PPFIA2: variants seen among roughly 807,000 people sequenced by gnomAD.
PPFIA2 encodes liprin-alpha-2.
Under a neutral mutation model 175.5 loss-of-function variants are expected in PPFIA2, and 46 were observed. The ratio of observed to expected loss-of-function variants is 0.26; its 90% CI spans 0.21 to 0.34. The LOEUF (loss-of-function observed/expected upper bound fraction) is 0.34, where lower values mean the gene tolerates loss of function less well. PPFIA2 is among the 10% of genes least tolerant of loss of function. PPFIA2 has a pLI of 1.00. For synonymous variants in PPFIA2, 568 were observed against 511.4 expected (o/e 1.11, Z -1.49); for missense variants, 1,179 against 1,506.1 (o/e 0.78, Z 3.60).
intron 4 of PPFIA2, among the ~76,000 whole-genome samples, chr12:81,556,351 G>A (rs1461171339): frequency 6.6e-6 from 1 of 151,776 alleles, no homozygotes; most frequent in Non-Finnish European, 1.5e-5. Flanking sequence ...TAATGCAAAT[G>A]GGTTTATTGG....
chr12:81,756,998 T>C (rs907338146), intron 2 of PPFIA2, among the ~76,000 whole-genome samples: 4 of 151,984 alleles, frequency 2.6e-5, no homozygotes, highest in Admixed American at 2.0e-4. Context: ...TAGAAAAAAA[T>C]AGTCTACAAA....
intron 4 of PPFIA2, among the ~76,000 whole-genome samples, chr12:81,595,707 A>G (rs1238058623): frequency 6.6e-6 from 1 of 152,222 alleles, no homozygotes; most frequent in African/African-American, 2.4e-5. Flanking sequence ...ATATCCTTCA[A>G]CTTCTTATTT....
At chr12:81,535,663 A>G (rs998052633) in intron 4 of PPFIA2, among the ~76,000 whole-genome samples, 2 of 151,506 alleles carry the variant, frequency 1.3e-5, no homozygotes, top group Non-Finnish European at 3.0e-5. Flanking sequence ...ACACAAAACT[A>G]GTGAGAGTGT....
intron 7 of PPFIA2, among the ~76,000 whole-genome samples, chr12:81,435,265 T>C (rs901832291): frequency 6.6e-6 from 1 of 152,218 alleles, no homozygotes; most frequent in Non-Finnish European, 1.5e-5. Flanking sequence ...AACCCTGAGC[T>C]ATATTTCAGC....
chr12:81,758,293 C>T, intron 2 of PPFIA2, 107 bp downstream of exon 2: 1 of 435,822 alleles, frequency 2.3e-6, no homozygotes, highest in South Asian at 1.6e-5. Flanking sequence ...CGGTAATCAA[C>T]AAGGAGGAAT....
At chr12:81,620,179 A>AT (rs2061893299) in intron 4 of PPFIA2, among the ~76,000 whole-genome samples, 1 of 150,888 alleles carries the variant, frequency 6.6e-6, no homozygotes, top group Non-Finnish European at 1.5e-5. Flanking sequence ...AAAAAAAAAA[A>AT]AAAGAAGAAA....
chr12:81,677,853 G>C (rs1427012139), intron 3 of PPFIA2, among the ~76,000 whole-genome samples: 1 of 151,862 alleles, frequency 6.6e-6, no homozygotes, highest in East Asian at 1.9e-4. Context: ...CCTGTTTATA[G>C]GGACAACTAC....
intron 4 of PPFIA2, among the ~76,000 whole-genome samples, chr12:81,654,021 T>G (rs1384518973): frequency 6.6e-6 from 1 of 152,006 alleles, no homozygotes; most frequent in Non-Finnish European, 1.5e-5. Context: ...ATGGGAACAT[T>G]TCTTAATTTA....
intron 28 of PPFIA2, among the ~76,000 whole-genome samples, chr12:81,269,578 C>T (rs551399740): frequency 2.8e-4 from 43 of 152,310 alleles, no homozygotes; most frequent in Non-Finnish European, 5.0e-4. Context: ...TGAAGCAATA[C>T]AGTGATAGCA....
chr12:81,364,919 G>C (rs945808524), intron 14 of PPFIA2, among the ~76,000 whole-genome samples: 1 of 151,780 alleles, frequency 6.6e-6, no homozygotes, highest in African/African-American at 2.4e-5. Flanking sequence ...TGGTGTGTTA[G>C]GTTAGATGGT....
At chr12:81,538,587 AAG>A (rs1313404672) in intron 4 of PPFIA2, among the ~76,000 whole-genome samples, 1 of 151,934 alleles carries the variant, frequency 6.6e-6, no homozygotes, top group Non-Finnish European at 1.5e-5. Context: ...TATCATAGAG[AAG>A]ATGCTATTTC....
At chr12:81,399,750 G>A (rs926495621) in intron 8 of PPFIA2, among the ~76,000 whole-genome samples, 7 of 152,002 alleles carry the variant, frequency 4.6e-5, no homozygotes, top group African/African-American at 1.7e-4. Context: ...TTCACTGCTT[G>A]ACAATTCAAT....
rs541808944 is a variant in PPFIA2 at position 81,513,898 on chromosome 12, C to T, written c.304-56032G>A. 3.3e-5 allele frequency among the ~76,000 whole-genome samples: 5 copies of T among 152,008 alleles called. No individual in the cohort carries two copies. The East Asian group carries it at 9.7e-4, about 29-fold the overall frequency. ...ATTTAAATGGCAATAAATTAGCAGC[C>T]TGATTTATAAATGATTTTCCTCTCA... On this transcript the variant is annotated intron_variant, in intron 4 of 32. Transcript: ENST00000549396.
chr12:81,560,176 G>A (rs1166750160), intron 4 of PPFIA2, among the ~76,000 whole-genome samples: 1 of 151,944 alleles, frequency 6.6e-6, no homozygotes, highest in African/African-American at 2.4e-5. Flanking sequence ...GTGTGGTAAA[G>A]GTGTTTAAAA....
intron 4 of PPFIA2, among the ~76,000 whole-genome samples, chr12:81,602,625 T>A (rs988107735): frequency 4.0e-5 from 6 of 151,894 alleles, no homozygotes; most frequent in Non-Finnish European, 1.5e-5. Context: ...GGATTTCTTA[T>A]GTAGCTATTA....
At chr12:81,570,562 T>C (rs1179890739) in intron 4 of PPFIA2, among the ~76,000 whole-genome samples, 1 of 152,092 alleles carries the variant, frequency 6.6e-6, no homozygotes, top group Non-Finnish European at 1.5e-5. Context: ...GCAATCTTGG[T>C]TTTAAAATCT....
At chr12:81,693,739 G>A (rs564031182) in intron 3 of PPFIA2, among the ~76,000 whole-genome samples, 32 of 152,202 alleles carry the variant, frequency 2.1e-4, no homozygotes, top group Admixed American at 1.3e-4. Flanking sequence ...GGAAAGTTTG[G>A]AACTTCTTAG....
rs958661184 is a variant in PPFIA2, at chr12:81,340,938, A to G, written c.2393+140T>C. 6.5e-6 allele frequency: 6 copies of G among 919,894 alleles called. No homozygotes were observed. In the African/African-American group the frequency reaches 1.0e-4, roughly 16 times the overall value. 57.0% of individuals were successfully genotyped at this position (919,894 alleles called of 1,614,324 possible). ...AAAATTGAAATTTGGTTATTTCACA[A>G]GTGATACTGGGAAAGGGAAGCTGGA... is the stretch of plus-strand genomic sequence containing the variant. On this transcript the variant is annotated intron_variant, in intron 20 of 32. Transcript: ENST00000549396.
At chr12:81,607,458 G>A (rs747367612) in intron 4 of PPFIA2, among the ~76,000 whole-genome samples, 2 of 152,012 alleles carry the variant, frequency 1.3e-5, no homozygotes, top group Non-Finnish European at 2.9e-5. Context: ...ATTTATTTGT[G>A]TCATCTCTGA....
Sources: allele counts gnomAD v4.1 joint callset (sites outside exome capture counted in the v4.1 genomes callset), GRCh38; gene constraint gnomAD v4.1.1; transcripts MANE v1.5; gene names NCBI Gene and HGNC (gene_info 2026-07-23, HGNC 2026-07-21).